Variants in PVR observed in about 807,000 individuals in gnomAD.
PVR encodes PVR cell adhesion molecule.
A neutral mutation model predicts 43.3 loss-of-function variants in PVR; 39 were observed. The ratio of observed to expected loss-of-function variants is 0.90; its 90% CI spans 0.70 to 1.18. The LOEUF (loss-of-function observed/expected upper bound fraction) is 1.18. Ranked by LOEUF, PVR falls within the 50% of genes most tolerant of loss-of-function variation. The pLI is 0.00. For synonymous variants in PVR, 224 were observed against 233.2 expected, an observed-to-expected ratio of 0.96 and a Z score of 0.36; for missense variants, 480 against 549.7, an observed-to-expected ratio of 0.87 and a Z score of 1.27.
intron 5 of PVR, among the ~76,000 whole-genome samples, chr19:44,658,469 A>G (rs1048600705): frequency 6.6e-6 from 1 of 152,234 alleles, no homozygotes. Flanking sequence ...AACTGTAGCC[A>G]TAGTCCCAGG....
rs577248176 is a variant in PVR at position 44,665,589 on chromosome 19, G to A, written c.*3778G>A. ...GTGGAGGCTGGAGTAAACCATGATC[G>A]AGTTACTGCACTCCAGCCTGGGTGA... On this transcript the variant is annotated 3_prime_UTR_variant, in exon 8 of 8. Coordinates refer to ENST00000425690, the MANE Select transcript of PVR (RefSeq NM_006505.5). 1 of 141,010 alleles carries A rather than the reference G, an allele frequency of 7.1e-6. No homozygotes were observed. The highest frequency in any genetic ancestry group is 2.7e-5 in the African/African-American group (1 of 37,040). The allele number at this position is 141,010 out of a possible 1,614,324, so 8.7% of individuals were successfully genotyped here.
At position 44,661,147 on chromosome 19, in the gene PVR, G is replaced by A. The variant is rs144642740; in HGVS notation, c.1151-145G>A. 2.2e-4 allele frequency: 155 copies of A among 715,690 alleles called. 1 individual carries two copies. Among genetic ancestry groups the A allele is most frequent in the African/African-American group, 2.1e-3 (120 of 57,914 alleles). The allele number at this position is 715,690 out of a possible 1,614,324, so 44.3% of individuals were successfully genotyped here. ...CACCCTCCATCCCTGTCTGACACAC[G>A]TGTATACCATTAAGGGAAATGGCAC... On this transcript the variant is annotated intron_variant, in intron 6 of 7. Coordinates refer to ENST00000425690, the MANE Select transcript of PVR (RefSeq NM_006505.5).
At chr19:44,650,220 C>A in intron 3 of PVR, 115 bp downstream of exon 3, 1 of 1,035,246 alleles carries the variant, frequency 9.7e-7, no homozygotes, top group Non-Finnish European at 1.3e-6. Context: ...CACCGGCTCC[C>A]CTGACTCCTG....
chr19:44,658,736 T>C lies in PVR; in HGVS notation c.992-6T>C, dbSNP rs888695801. 3 of 1,599,906 alleles carry C rather than the reference T, an allele frequency of 1.9e-6. No individual in the cohort carries two copies. The African/African-American group carries it at 4.0e-5, about 22-fold the overall frequency. On this transcript the variant is annotated splice_polypyrimidine_tract_variant and splice_region_variant and intron_variant, in intron 5 of 7. Coordinates refer to ENST00000425690, the MANE Select transcript of PVR (RefSeq NM_006505.5). Reference sequence around the variant, plus strand: ...TTACCTAAATACCTGTTTCCTTCTCTTTCAGAGGGACCTCCCAGTGAGCAC... The same window carrying C: ...TTACCTAAATACCTGTTTCCTTCTCCTTCAGAGGGACCTCCCAGTGAGCAC...
At chr19:44,653,055 A>G (rs1024768815) in intron 3 of PVR, among the ~76,000 whole-genome samples, 3 of 152,060 alleles carry the variant, frequency 2.0e-5, no homozygotes, top group Non-Finnish European at 1.5e-5. Flanking sequence ...CATCATCTAC[A>G]CTGGCTCATC....
chr19:44,657,432 T>TG (rs1418448930), intron 4 of PVR, among the ~76,000 whole-genome samples: 1 of 151,982 alleles, frequency 6.6e-6, no homozygotes, highest in African/African-American at 2.4e-5. Context: ...GGTGGCCATG[T>TG]GGGGAACAGA....
chr19:44,648,467 A>G (rs2123749820), intron 2 of PVR, among the ~76,000 whole-genome samples: 1 of 151,910 alleles, frequency 6.6e-6, no homozygotes, highest in East Asian at 1.9e-4. Context: ...GATCACCATG[A>G]GGATTCAAAA....
At chr19:44,647,077 T>TCCCCCCCC in intron 1 of PVR, 146 bp from the exon 2 acceptor site, 9 of 311,372 alleles carry the variant, frequency 2.9e-5, no homozygotes, top group Non-Finnish European at 4.5e-5. Context: ...GTGCCCCAGT[T>TCCCCCCCC]CCCCCTCCCC....
At chr19:44,655,261 A>AT (rs1298690388) in intron 4 of PVR, among the ~76,000 whole-genome samples, 2 of 151,174 alleles carry the variant, frequency 1.3e-5, no homozygotes, top group Admixed American at 1.3e-4. Flanking sequence ...ATTTTGTTGT[A>AT]TTTTTTTTGC....
At chr19:44,654,396 A>C (rs895391688) in intron 4 of PVR, among the ~76,000 whole-genome samples, 2 of 152,236 alleles carry the variant, frequency 1.3e-5, no homozygotes, top group African/African-American at 4.8e-5. Flanking sequence ...AGAGAAAAAG[A>C]GGAGGTTGAC....
intron 4 of PVR, among the ~76,000 whole-genome samples, chr19:44,655,078 T>C (rs1973403024): frequency 6.6e-6 from 1 of 152,182 alleles, no homozygotes; most frequent in South Asian, 2.1e-4. Flanking sequence ...ATAAATTACA[T>C]AATTTTACTG....
chr19:44,653,940 G>A lies in PVR; in HGVS notation c.765G>A (p.Trp255Ter). The A allele has an allele frequency of 1.2e-6, 2 of 1,614,184 alleles. No individual in the cohort carries two copies. Among genetic ancestry groups the A allele is most frequent in the South Asian group, 2.2e-5 (2 of 91,086 alleles). The change falls in exon 4 of 8, where the codon TGG becomes TGA. Residue 255 changes from tryptophan (W) to a stop codon, truncating the protein, a stop_gained. Coordinates refer to ENST00000425690, the MANE Select transcript of PVR (RefSeq NM_006505.5). LOFTEE classifies it high-confidence loss of function. Reference sequence around the variant, plus strand: ...CCATCTCTGGCTATGATAACAACTGGTACCTTGGCCAGAATGAGGCCACCC... The same window carrying A: ...CCATCTCTGGCTATGATAACAACTGATACCTTGGCCAGAATGAGGCCACCC... ...EVSISGYDNNWYLGQNEATLT... is the reference protein window; with the variant it reads ...EVSISGYDNN
At chr19:44,656,242 C>T (rs1973442003) in intron 4 of PVR, among the ~76,000 whole-genome samples, 1 of 152,156 alleles carries the variant, frequency 6.6e-6, no homozygotes, top group African/African-American at 2.4e-5. Flanking sequence ...TAGTAGAGGA[C>T]ACAGATGTCA....
rs1307830666 is a variant in PVR at position 44,662,785 on chromosome 19, G to T, written c.*974G>T. ...ACACAGAAGGGTGTGGGCCACCAGA[G>T]AATTTTGGTAAAAATTTGGCCTCTG... On this transcript the variant is annotated 3_prime_UTR_variant, in exon 8 of 8. Coordinates refer to ENST00000425690, the MANE Select transcript of PVR (RefSeq NM_006505.5). 1 of 152,214 alleles carries T rather than the reference G, an allele frequency of 6.6e-6. No individual in the cohort carries two copies. Among genetic ancestry groups the T allele is most frequent in the Non-Finnish European group, 1.5e-5 (1 of 68,058 alleles). The allele number at this position is 152,214 out of a possible 1,614,324, so 9.4% of individuals were successfully genotyped here. A position where few individuals can be genotyped will look rare whatever the true frequency, so the allele number is the denominator to read the frequency against.
chr19:44,658,794 G>A lies in PVR; in HGVS notation c.1044G>A (p.Leu348=). 1.2e-6 allele frequency: 2 copies of A among 1,613,050 alleles called. No individual in the cohort carries two copies. Among genetic ancestry groups the A allele is most frequent in the Non-Finnish European group, 1.7e-6 (2 of 1,179,014 alleles). ...TGTCCCGTAACGCCATCATCTTCCT[G>A]GTTCTGGGAATCCTGGTTTTTCTGA... ...SGMSRNAIIF[L]VLGILVFLIL... is the part of the protein sequence containing the mutation. Residue 348 remains leucine, a synonymous_variant, in exon 6 of 8, where the codon CTG becomes CTA. Coordinates refer to ENST00000425690, the MANE Select transcript of PVR (RefSeq NM_006505.5).
chr19:44,655,863 C>CTTTTTTTTTT (rs11349440), intron 4 of PVR, among the ~76,000 whole-genome samples: 2 of 81,928 alleles, frequency 2.4e-5, no homozygotes, highest in Non-Finnish European at 2.2e-5. Context: ...AGCTCTCCTG[C>CTTTTTTTTTT]TTTTTTTTTT....
At chr19:44,653,348 A>G (rs576364694) in intron 3 of PVR, among the ~76,000 whole-genome samples, 141 of 152,052 alleles carry the variant, frequency 9.3e-4, no homozygotes, top group Middle Eastern at 3.4e-3. Flanking sequence ...GGTACTGTCT[A>G]TACTGGAGTC....
chr19:44,647,655 T>C, intron 2 of PVR, 85 bp downstream of exon 2: 2 of 933,962 alleles, frequency 2.1e-6, no homozygotes, highest in Non-Finnish European at 1.4e-6. Flanking sequence ...CGGGGAGGCC[T>C]GGGAGGGAGG....
At chr19:44,654,047 TG>T (rs764880959) in intron 4 of PVR, 30 bp downstream of exon 4, 6 of 1,533,320 alleles carry the variant, frequency 3.9e-6, no homozygotes. Context: ...GAGGAGGGGC[TG>T]GGGGTCTGGA....
Sources: gnomAD v4.1 joint callset for allele counts (sites outside exome capture counted in the v4.1 genomes callset) on GRCh38, gnomAD v4.1.1 for gene constraint, MANE v1.5 for transcripts, NCBI Gene and HGNC (gene_info 2026-07-23, HGNC 2026-07-21) for gene names.